PIGQ: variants seen among roughly 807,000 people sequenced by gnomAD.
PIGQ encodes the protein phosphatidylinositol N-acetylglucosaminyltransferase subunit Q.
PIGQ carries 54 observed loss-of-function variants against 60.3 expected under a neutral mutation model. That is an observed-to-expected ratio of 0.90 (90% CI 0.72 to 1.12). The LOEUF (loss-of-function observed/expected upper bound fraction) is 1.12, where lower values mean the gene tolerates loss of function less well. Ranked by LOEUF, PIGQ falls within the 50% of genes most tolerant of loss-of-function variation. The pLI is 0.00. For synonymous variants in PIGQ, 416 were observed against 363.7 expected, an observed-to-expected ratio of 1.14 and a Z score of -1.64; for missense variants, 799 against 793.5, an observed-to-expected ratio of 1.01 and a Z score of -0.08.
Position 582,252 on chromosome 16 carries a change from C to A in PIGQ, c.1536C>A (p.Gly512=). 6.2e-7 allele frequency: 1 copy of A among 1,603,890 alleles called. No homozygotes were observed. Among genetic ancestry groups the A allele is most frequent in the South Asian group, 1.1e-5 (1 of 89,818 alleles). Residue 512 remains glycine, a synonymous_variant, in exon 10 of 11, where the codon GGC becomes GGA. Coordinates refer to ENST00000321878, the MANE Select transcript of PIGQ (RefSeq NM_004204.5). ...RLCRPYRLAA[G]VKFRVLRHEA... ...AGCCGCTTGCTATCCTTGCAGCTGG[C>A]GTGAAGTTCCGTGTCCTCCGGCACG...
At position 579,186 on chromosome 16, in the gene PIGQ, G is replaced by A; in HGVS notation, c.1335+6G>A. 2 of 1,608,946 alleles carry A rather than the reference G, an allele frequency of 1.2e-6. No homozygotes were observed. The highest frequency in any genetic ancestry group is 1.7e-6 in the Non-Finnish European group (2 of 1,176,304). On this transcript the variant is annotated splice_donor_region_variant and intron_variant, in intron 7 of 10. Transcript: ENST00000321878. The stretch of plus-strand genomic sequence containing the variant: ...GTTCCTATGACCTGGACCAGGTATG[G>A]GGCAGGGTTCGTGGCTGGAGGGGCT...
At chr16:575,537 C>T (rs917564730) in intron 2 of PIGQ, among the ~76,000 whole-genome samples, 1 of 152,096 alleles carries the variant, frequency 6.6e-6, no homozygotes, top group East Asian at 1.9e-4. Context: ...GCCCTGGGCC[C>T]GTGGGAGTTG....
intron 1 of PIGQ, 113 bp from the exon 2 acceptor site, chr16:573,953 C>A: frequency 1.4e-6 from 1 of 712,766 alleles, no homozygotes; most frequent in South Asian, 1.9e-5. Context: ...AGCTGAGGTG[C>A]CCCGACCTGG....
chr16:573,903 G>C lies in PIGQ; in HGVS notation c.-9-163G>C, dbSNP rs545293514. Among the ~76,000 whole-genome samples, 7 of 152,318 alleles carry C rather than the reference G, an allele frequency of 4.6e-5. No individual in the cohort carries two copies. The East Asian group carries it at 1.4e-3, about 30-fold the overall frequency. On this transcript the variant is annotated intron_variant, in intron 1 of 10. Transcript: ENST00000321878. ...TGGAGAAGCATGGCCCACGCGAGGC[G>C]GCAGCCAAGGAGCCCTACGGCGTCC...
At chr16:581,199 G>T in intron 9 of PIGQ, 1 of 1,434,002 alleles carries the variant, frequency 7.0e-7, no homozygotes. Context: ...TGCCGCGCAG[G>T]TTCAGAACCC....
At chr16:576,315 C>G in intron 4 of PIGQ, 61 bp downstream of exon 4, 1 of 1,505,826 alleles carries the variant, frequency 6.6e-7, no homozygotes. Flanking sequence ...TCCTGGGCAG[C>G]AGAGCCTTCC....
At chr16:582,013 C>T in intron 9 of PIGQ, 2 of 599,760 alleles carry the variant, frequency 3.3e-6, no homozygotes, top group Non-Finnish European at 6.1e-6. Flanking sequence ...CCGCCCACCT[C>T]CCAAAATGCT....
chr16:578,358 G>T, intron 4 of PIGQ, 21 bp from the exon 5 acceptor site: 1 of 1,601,092 alleles, frequency 6.2e-7, no homozygotes, highest in Non-Finnish European at 8.5e-7. Context: ...CCGCCCCAGC[G>T]TGGCCCCTGT....
At chr16:581,976 C>G (rs1176576791) in intron 9 of PIGQ, 5 of 504,718 alleles carry the variant, frequency 9.9e-6, no homozygotes, top group African/African-American at 1.9e-5. Context: ...GTTGGCCAGG[C>G]TGGTCTTGAA....
chr16:572,004 G>A (rs753424960), intron 1 of PIGQ, among the ~76,000 whole-genome samples: 2 of 152,114 alleles, frequency 1.3e-5, no homozygotes, highest in Admixed American at 6.5e-5. Flanking sequence ...TGAGCCCACC[G>A]CAGAACCAGC....
intron 1 of PIGQ, among the ~76,000 whole-genome samples, chr16:571,520 GTC>G (rs2035627616): frequency 2.8e-4 from 34 of 119,776 alleles, no homozygotes; most frequent in Non-Finnish European, 3.5e-4. Context: ...GTGTGTGTGT[GTC>G]TGGCTAGCCT....
chr16:581,050 C>T (rs2035802272), intron 9 of PIGQ, 78 bp downstream of exon 9: 3 of 1,316,528 alleles, frequency 2.3e-6, no homozygotes, highest in Admixed American at 1.7e-5. Context: ...GAAGCAAGGA[C>T]AGCATGGGCC....
rs141548804 is a variant in PIGQ, at chr16:578,606, C to T, written c.1069+101C>T. ...CCCCTGTGCCCCCAACTCTGCTCCC[C>T]AGCGTCCTGTGTGTGTGAGGCCTGC... On this transcript the variant is annotated intron_variant, in intron 5 of 10. Transcript: ENST00000321878. 3.3e-4 allele frequency: 488 copies of T among 1,460,622 alleles called. 2 individuals are homozygous for T. In the African/African-American group the frequency reaches 5.1e-3, roughly 15 times the overall value. The allele number at this position is 1,460,622 out of a possible 1,614,324, so 90.5% of individuals were successfully genotyped here. A position where few individuals can be genotyped will look rare whatever the true frequency, so the allele number is the denominator to read the frequency against.
At chr16:581,196 C>T in intron 9 of PIGQ, 1 of 1,431,368 alleles carries the variant, frequency 7.0e-7, no homozygotes, top group South Asian at 1.4e-5. Context: ...ACCTGCCGCG[C>T]AGGTTCAGAA....
intron 4 of PIGQ, chr16:576,914 A>C: frequency 6.1e-6 from 1 of 163,528 alleles, no homozygotes; most frequent in Non-Finnish European, 1.3e-5. Context: ...GTGGTACCTG[A>C]CTCTTTGGCC....
chr16:578,638 C>A, intron 5 of PIGQ, 133 bp downstream of exon 5: 1 of 1,400,104 alleles, frequency 7.1e-7, no homozygotes, highest in Non-Finnish European at 9.9e-7. Flanking sequence ...CTGCTGTGCT[C>A]AGCTGAGGGC....
intron 1 of PIGQ, among the ~76,000 whole-genome samples, chr16:571,851 G>GT (rs2035634769): frequency 6.6e-6 from 1 of 151,942 alleles, no homozygotes; most frequent in African/African-American, 2.4e-5. Context: ...CGACAGAGAA[G>GT]AGTAGCTTCT....
chr16:582,715 G>T (rs2035832822), intron 10 of PIGQ, 168 bp from the exon 11 acceptor site: 2 of 762,772 alleles, frequency 2.6e-6, no homozygotes, highest in Non-Finnish European at 4.3e-6. Context: ...CTCCCTTCTG[G>T]CTGCAGGCTC....
intron 4 of PIGQ, among the ~76,000 whole-genome samples, chr16:577,666 G>C (rs889416161): frequency 6.6e-6 from 1 of 152,146 alleles, no homozygotes; most frequent in Non-Finnish European, 1.5e-5. Flanking sequence ...AGGGGCCTGC[G>C]CAATGGGCAA....
Sources: allele counts gnomAD v4.1 joint callset (sites outside exome capture counted in the v4.1 genomes callset), GRCh38; gene constraint gnomAD v4.1.1; transcripts MANE v1.5; gene names NCBI Gene and HGNC (gene_info 2026-07-23, HGNC 2026-07-21).